Variants in IFT52 observed in about 807,000 individuals in gnomAD.
The protein encoded by IFT52 is intraflagellar transport 52, also known as intraflagellar transport protein 52 homolog.
IFT52 carries 44 observed loss-of-function variants against 54.4 expected under a neutral mutation model. The observed-to-expected ratio is 0.81, with a 90% CI of 0.63 to 1.04. The LOEUF (loss-of-function observed/expected upper bound fraction) is 1.04, where lower values mean the gene tolerates loss of function less well. Among genes scored for constraint, IFT52 ranks in the 50% least tolerant of loss-of-function variants. The probability of loss-of-function intolerance (pLI) is 0.00; values close to 1 mark genes in which losing one functional copy is unlikely to be tolerated. For missense variants in IFT52, 452 were observed against 523.6 expected (o/e 0.86, Z 1.33); for synonymous variants, 181 against 185.3 (o/e 0.98, Z 0.19).
Position 43,596,620 on chromosome 20 carries a change from G to A in IFT52, c.207+98G>A, listed in dbSNP as rs1417869163. ...ATCCCCCTTCACCACTTACTGTGTG[G>A]CCTTAAGGTAGTCACTTCATCTCTC... On this transcript the variant is annotated intron_variant, in intron 3 of 13. Transcript: ENST00000373030. The A allele has an allele frequency of 5.1e-6, 4 of 778,498 alleles. 1 individual carries two copies. Among genetic ancestry groups the A allele is most frequent in the African/African-American group, 1.7e-5 (1 of 57,290 alleles). 48.2% of individuals were successfully genotyped at this position (778,498 alleles called of 1,614,324 possible). A position where few individuals can be genotyped will look rare whatever the true frequency, so the allele number is the denominator to read the frequency against.
chr20:43,620,461 C>A (rs1323026580), intron 8 of IFT52, among the ~76,000 whole-genome samples: 1 of 152,056 alleles, frequency 6.6e-6, no homozygotes, highest in East Asian at 1.9e-4. Flanking sequence ...AATTCGAGGC[C>A]AGCCTGACCA....
chr20:43,602,136 ATT>A (rs66546319), intron 3 of IFT52, among the ~76,000 whole-genome samples: 13 of 140,226 alleles, frequency 9.3e-5, no homozygotes, highest in South Asian at 2.1e-4. Context: ...CTTTGAGCTG[ATT>A]TTTATTTTAT....
intron 7 of IFT52, among the ~76,000 whole-genome samples, chr20:43,617,985 G>A (rs1054141523): frequency 6.6e-6 from 1 of 152,002 alleles, no homozygotes; most frequent in African/African-American, 2.4e-5. Flanking sequence ...TGATCTCAGG[G>A]TGATCTGCCC....
chr20:43,622,957 G>C (rs1984453187), intron 9 of IFT52, among the ~76,000 whole-genome samples: 1 of 151,940 alleles, frequency 6.6e-6, no homozygotes, highest in South Asian at 2.1e-4. Context: ...CTGGAGGGAT[G>C]TCCTTGGCTA....
chr20:43,642,817 G>T (rs1232991719), intron 13 of IFT52, among the ~76,000 whole-genome samples, 193 bp downstream of exon 13: 1 of 152,176 alleles, frequency 6.6e-6, no homozygotes, highest in East Asian at 1.9e-4. Flanking sequence ...TAGACAATAA[G>T]CAGTAAACAT....
In IFT52 at chr20:43,618,979, A is replaced by G. The variant is rs781416506; in HGVS notation, c.652A>G (p.Met218Val). The change falls in exon 8 of 14, where the codon ATG (methionine) becomes GTG (valine). Residue 218 changes from methionine to valine, a missense_variant. Coordinates refer to ENST00000373030, the MANE Select transcript of IFT52 (RefSeq NM_016004.5). ...GCTGGCAGTGCTTGGTTCATGTCAC[A>G]TGTTCAGTGATCAATATTTGGACAA... is the stretch of plus-strand genomic sequence containing the variant. ...GKLAVLGSCH[M>V]FSDQYLDKEE... 3.1e-6 allele frequency: 5 copies of G among 1,613,988 alleles called. No individual in the cohort carries two copies. In the South Asian group the frequency reaches 4.4e-5, roughly 14 times the overall value.
At position 43,604,068 on chromosome 20, in the gene IFT52, C is replaced by T. The variant is rs187171123; in HGVS notation, c.338-115C>T. The T allele has an allele frequency of 3.2e-4, 314 of 985,494 alleles. 1 individual carries two copies. In the African/African-American group the frequency reaches 4.6e-3, roughly 14 times the overall value. 61.0% of individuals were successfully genotyped at this position (985,494 alleles called of 1,614,324 possible). ...GCTTGGGCTGCTTCCATTTATAAAGCGAGATGGATTGGAACCAAGTTCCAG... is the reference window on the plus strand; with the variant it reads ...GCTTGGGCTGCTTCCATTTATAAAGTGAGATGGATTGGAACCAAGTTCCAG... On this transcript the variant is annotated intron_variant, in intron 4 of 13. Coordinates refer to ENST00000373030, the MANE Select transcript of IFT52 (RefSeq NM_016004.5).
chr20:43,640,132 C>T (rs1426181277), intron 12 of IFT52, among the ~76,000 whole-genome samples: 1 of 152,060 alleles, frequency 6.6e-6, no homozygotes, highest in African/African-American at 2.4e-5. Context: ...CCACTGTCCT[C>T]TAACCTGGTT....
At chr20:43,643,187 CAAAA>C (rs1488382271) in intron 13 of IFT52, among the ~76,000 whole-genome samples, 1 of 139,748 alleles carries the variant, frequency 7.2e-6, no homozygotes, top group Non-Finnish European at 1.5e-5. Flanking sequence ...AAAAACAAAA[CAAAA>C]CAAAAAAAAA....
At position 43,604,221 on chromosome 20, in the gene IFT52, C is replaced by G; in HGVS notation, c.376C>G (p.Pro126Ala). The G allele has an allele frequency of 3.1e-6, 5 of 1,611,524 alleles. No individual in the cohort carries two copies. The highest frequency in any genetic ancestry group is 4.2e-6 in the Non-Finnish European group (5 of 1,177,718). Residue 126 changes from proline (P) to alanine (A), a missense_variant, in exon 5 of 14, where the codon CCT becomes GCT. Coordinates refer to ENST00000373030, the MANE Select transcript of IFT52 (RefSeq NM_016004.5). Reference protein sequence around the residue: ...VRNVYHKYFHPKEALVSSGVL... With the variant: ...VRNVYHKYFHAKEALVSSGVL... ...AAATGTATATCACAAATATTTCCAT[C>G]CTAAAGAAGCTCTAGTTTCCAGTGG...
rs550943355 is a variant in IFT52, at chr20:43,638,768, G to A, written c.1120+1515G>A. 9.2e-5 allele frequency among the ~76,000 whole-genome samples: 14 copies of A among 152,270 alleles called. No individual in the cohort carries two copies. In the East Asian group the frequency reaches 2.3e-3, roughly 25 times the overall value. On this transcript the variant is annotated intron_variant, in intron 12 of 13. Transcript: ENST00000373030. ...ATAAAAGAGGTTCACAAAGGCTAGG[G>A]AATGACACATATGACACAGACAGAA...
chr20:43,620,169 A>T (rs1984181764), intron 8 of IFT52, among the ~76,000 whole-genome samples: 1 of 151,774 alleles, frequency 6.6e-6, no homozygotes, highest in Non-Finnish European at 1.5e-5. Context: ...CACCTGCCTC[A>T]GCCTCCCAAA....
At chr20:43,619,721 C>T (rs575957724) in intron 8 of IFT52, among the ~76,000 whole-genome samples, 48 of 152,134 alleles carry the variant, frequency 3.2e-4, no homozygotes, top group Non-Finnish European at 5.0e-4. Flanking sequence ...ACATGTCTTA[C>T]GGAAGATGGC....
intron 5 of IFT52, 143 bp from the exon 6 acceptor site, chr20:43,604,859 G>C (rs1982732366): frequency 1.4e-6 from 1 of 706,754 alleles, no homozygotes; most frequent in Non-Finnish European, 2.4e-6. Context: ...GAATGCAGTG[G>C]TGGGAACACA....
At chr20:43,646,550 A>G (rs903890318) in intron 13 of IFT52, among the ~76,000 whole-genome samples, 7 of 152,154 alleles carry the variant, frequency 4.6e-5, no homozygotes, top group Non-Finnish European at 1.0e-4. Context: ...AAGGGAACCC[A>G]GAGATGAGGG....
chr20:43,620,993 A>G (rs878885044), intron 9 of IFT52, 68 bp downstream of exon 9: 2 of 1,089,424 alleles, frequency 1.8e-6, no homozygotes, highest in South Asian at 2.6e-5. Context: ...CACTTCTCAC[A>G]GCTCAAAAGG....
intron 2 of IFT52, 84 bp downstream of exon 2, chr20:43,594,901 C>T: frequency 1.2e-6 from 1 of 803,670 alleles, no homozygotes; most frequent in Non-Finnish European, 2.2e-6. Context: ...TCTTAGGTAA[C>T]ATAGATTGTT....
chr20:43,622,792 A>G (rs563887837), intron 9 of IFT52, among the ~76,000 whole-genome samples: 2 of 146,878 alleles, frequency 1.4e-5, no homozygotes, highest in South Asian at 4.2e-4. Flanking sequence ...AAATATATAC[A>G]TATTTTTATA....
rs1289105907 is a variant in IFT52 at position 43,644,148 on chromosome 20, C to T, written c.1266+1524C>T. Among the ~76,000 whole-genome samples the T allele has an allele frequency of 4.1e-5, 2 of 48,574 alleles. 1 individual carries two copies. The highest frequency in any genetic ancestry group is 8.4e-5 in the Non-Finnish European group (2 of 23,674). The allele number at this position is 48,574 out of a possible 152,430, so 31.9% of individuals were successfully genotyped here. On this transcript the variant is annotated intron_variant, in intron 13 of 13. Transcript: ENST00000373030. The stretch of plus-strand genomic sequence containing the variant: ...GAAATCATCTTTCTCTGACTGAGGA[C>T]CAAGAACTTCAAAATTATCCCTGGC...
Sources: allele counts gnomAD v4.1 joint callset (sites outside exome capture counted in the v4.1 genomes callset), GRCh38; gene constraint gnomAD v4.1.1; transcripts MANE v1.5; gene names NCBI Gene and HGNC (gene_info 2026-07-23, HGNC 2026-07-21).